Variants in CMIP observed in about 807,000 individuals in gnomAD.
The protein encoded by CMIP is C-Maf-inducing protein.
In CMIP, 13 loss-of-function variants were observed where a neutral mutation model predicts 97.3. The ratio of observed to expected loss-of-function variants is 0.13; its 90% CI spans 0.09 to 0.21. The LOEUF (loss-of-function observed/expected upper bound fraction) is 0.21. Among genes scored for constraint, CMIP ranks in the 10% least tolerant of loss-of-function variants. The pLI is 1.00. For synonymous variants in CMIP, 538 were observed against 436.3 expected (o/e 1.23, Z -2.91); for missense variants, 847 against 1,024.9 (o/e 0.83, Z 2.37).
At chr16:81,593,326 T>C (rs956228197) in intron 1 of CMIP, among the ~76,000 whole-genome samples, 1 of 151,936 alleles carries the variant, frequency 6.6e-6, no homozygotes, top group African/African-American at 2.4e-5. Flanking sequence ...AGTTGGGTAT[T>C]GTAGGCTTGG....
At chr16:81,607,332 C>G (rs1597140568) in intron 1 of CMIP, among the ~76,000 whole-genome samples, 1 of 152,224 alleles carries the variant, frequency 6.6e-6, no homozygotes, top group African/African-American at 2.4e-5. Context: ...CACTCTGTTC[C>G]TAACTCTGCA....
At chr16:81,514,978 C>T (rs561676222) in intron 1 of CMIP, among the ~76,000 whole-genome samples, 35 of 152,298 alleles carry the variant, frequency 2.3e-4, no homozygotes, top group Admixed American at 4.6e-4. Context: ...CATCGTTGTT[C>T]GAGGGCCTGC....
Position 81,621,919 on chromosome 16 carries a change from C to G in CMIP, c.477+993C>G, listed in dbSNP as rs956381971. The G allele has an allele frequency of 1.3e-5, 2 of 152,244 alleles. No individual in the cohort carries two copies. The highest frequency in any genetic ancestry group is 4.8e-5 in the African/African-American group (2 of 41,450). The allele number at this position is 152,244 out of a possible 1,614,324, so 9.4% of individuals were successfully genotyped here. A position where few individuals can be genotyped will look rare whatever the true frequency, so the allele number is the denominator to read the frequency against. ...GGGCCACTCCCCTCCTTTCCTCTGT[C>G]AGCTACTGGTCCTCTTGCTTTGTGC... On this transcript the variant is annotated intron_variant, in intron 3 of 20. Coordinates refer to ENST00000537098, the MANE Select transcript of CMIP (RefSeq NM_198390.3). The surrounding 1 kb of genome is among the most constrained non-coding windows in gnomAD (Gnocchi z 4.1).
At chr16:81,651,684 G>A (rs1221056074) in intron 3 of CMIP, among the ~76,000 whole-genome samples, 2 of 152,186 alleles carry the variant, frequency 1.3e-5, no homozygotes, top group Admixed American at 1.3e-4. Context: ...GAATCCTTGG[G>A]AAGTGAGTTT....
Position 81,445,050 on chromosome 16 carries a change from G to A in CMIP, c.-192G>A. The A allele has an allele frequency of 4.8e-6, 1 of 206,918 alleles. No individual in the cohort carries two copies. The highest frequency in any genetic ancestry group is 9.5e-6 in the Non-Finnish European group (1 of 105,592). The allele number at this position is 206,918 out of a possible 1,614,324, so 12.8% of individuals were successfully genotyped here. Reference sequence around the variant, plus strand: ...CCGGAGCCCCGCAGGAAGCGCCGAGGCCGGCCCAGCCCGCCGCACGCGCCG... The same window carrying A: ...CCGGAGCCCCGCAGGAAGCGCCGAGACCGGCCCAGCCCGCCGCACGCGCCG... On this transcript the variant is annotated 5_prime_UTR_variant, in exon 1 of 21. Coordinates refer to ENST00000537098, the MANE Select transcript of CMIP (RefSeq NM_198390.3).
intron 1 of CMIP, among the ~76,000 whole-genome samples, chr16:81,599,955 C>T (rs1000969318): frequency 1.3e-5 from 2 of 152,090 alleles, no homozygotes; most frequent in African/African-American, 2.4e-5. Context: ...CTAGCGTCTG[C>T]ATAGCAGGTG....
chr16:81,463,476 G>A (rs950818345), intron 1 of CMIP, among the ~76,000 whole-genome samples: 14 of 152,184 alleles, frequency 9.2e-5, no homozygotes, highest in African/African-American at 2.7e-4. Context: ...TTGGCGGGAC[G>A]GCGGTTGTGG....
At chr16:81,597,604 G>T (rs899767427) in intron 1 of CMIP, among the ~76,000 whole-genome samples, 12 of 144,158 alleles carry the variant, frequency 8.3e-5, no homozygotes, top group South Asian at 4.6e-4. Context: ...GGGGGGGGGG[G>T]AGTCTCCCAG....
intron 1 of CMIP, among the ~76,000 whole-genome samples, chr16:81,521,279 G>T (rs1408555394): frequency 6.6e-6 from 1 of 152,220 alleles, no homozygotes; most frequent in African/African-American, 2.4e-5. Context: ...GTACTGCACG[G>T]TTGCCATGGT....
chr16:81,474,166 C>T (rs1907736905), intron 1 of CMIP, among the ~76,000 whole-genome samples: 1 of 152,148 alleles, frequency 6.6e-6, no homozygotes, highest in Non-Finnish European at 1.5e-5. Flanking sequence ...CCACTGTACT[C>T]AGGTTCCCCC....
intron 3 of CMIP, among the ~76,000 whole-genome samples, chr16:81,625,626 C>T (rs148991917): frequency 2.0e-5 from 3 of 152,210 alleles, no homozygotes; most frequent in Non-Finnish European, 4.4e-5. Context: ...TCCAGGGTTT[C>T]AAGGTGAGAG....
chr16:81,527,558 G>T (rs1374880442), intron 1 of CMIP, among the ~76,000 whole-genome samples: 1 of 152,174 alleles, frequency 6.6e-6, no homozygotes, highest in Non-Finnish European at 1.5e-5. Flanking sequence ...GTTGGATTTT[G>T]TTTCTACCAT....
At chr16:81,681,545 G>C (rs1904875639) in intron 10 of CMIP, among the ~76,000 whole-genome samples, 1 of 152,262 alleles carries the variant, frequency 6.6e-6, no homozygotes, top group Non-Finnish European at 1.5e-5. Flanking sequence ...GCCTGGCGCA[G>C]AGCAGACACC....
intron 19 of CMIP, among the ~76,000 whole-genome samples, chr16:81,706,736 C>A (rs1908192514): frequency 6.6e-6 from 1 of 152,132 alleles, no homozygotes; most frequent in African/African-American, 2.4e-5. Context: ...GACATCAGGT[C>A]CAGGCAGTGG....
Position 81,681,580 on chromosome 16 carries a change from T to C in CMIP, c.1388+2952T>C, listed in dbSNP as rs148435474. Among the ~76,000 whole-genome samples, 703 of 152,336 alleles carry C rather than the reference T, an allele frequency of 4.6e-3. 3 individuals carry two copies. Among genetic ancestry groups the C allele is most frequent in the African/African-American group, 0.016 (661 of 41,578 alleles). Reference sequence around the variant, plus strand: ...CTCTGCGAGGTGAACACCTGGCCAATGGGAGTAGCCGCCGTTTATGATGCA... The same window carrying C: ...CTCTGCGAGGTGAACACCTGGCCAACGGGAGTAGCCGCCGTTTATGATGCA... On this transcript the variant is annotated intron_variant, in intron 10 of 20. Transcript: ENST00000537098.
intron 8 of CMIP, 57 bp downstream of exon 8, chr16:81,670,302 C>G (rs993243818): frequency 1.3e-6 from 2 of 1,533,196 alleles, no homozygotes; most frequent in African/African-American, 2.7e-5. Flanking sequence ...CTCTCGGATC[C>G]TGTTTACTCA....
At chr16:81,694,769 C>T (rs1338186524) in intron 13 of CMIP, among the ~76,000 whole-genome samples, 1 of 152,154 alleles carries the variant, frequency 6.6e-6, no homozygotes, top group Admixed American at 6.5e-5. Context: ...GTCTCCAGGC[C>T]ACACTGAAAA....
In CMIP at chr16:81,607,782, A is replaced by C. The variant is rs189046760; in HGVS notation, c.426+90A>C. On this transcript the variant is annotated intron_variant, in intron 2 of 20. Transcript: ENST00000537098. ...TTTCCCTTGGAGGGAGCCAGCAGCT[A>C]TCAAGAGGAAAGGTTGTTTAACTTT... 7.9e-5 allele frequency: 110 copies of C among 1,384,194 alleles called. No homozygotes were observed. In the African/African-American group the frequency reaches 1.4e-3, roughly 18 times the overall value. The allele number at this position is 1,384,194 out of a possible 1,614,324, so 85.7% of individuals were successfully genotyped here.
intron 1 of CMIP, among the ~76,000 whole-genome samples, chr16:81,482,757 C>A (rs2089245947): frequency 6.6e-6 from 1 of 152,238 alleles, no homozygotes; most frequent in African/African-American, 2.4e-5. Flanking sequence ...TTCGGAGTCA[C>A]TGGGGCTGGG....
Sources: allele counts gnomAD v4.1 joint callset (sites outside exome capture counted in the v4.1 genomes callset), GRCh38; gene constraint gnomAD v4.1.1; non-coding constraint Gnocchi (gnomAD v3.1); transcripts MANE v1.5; gene names NCBI Gene and HGNC (gene_info 2026-07-23, HGNC 2026-07-21).